ZBED1: variants seen among roughly 807,000 people sequenced by gnomAD.
ZBED1 encodes zinc finger BED-type containing 1.
In ZBED1, 19 loss-of-function variants were observed where a neutral mutation model predicts 49.7. That is an observed-to-expected ratio of 0.38 (90% CI 0.27 to 0.56). ZBED1 has a LOEUF of 0.56. Among genes scored for constraint, ZBED1 ranks in the 20% least tolerant of loss-of-function variants. The pLI is 0.70. For missense variants in ZBED1, 806 were observed against 972.6 expected (o/e 0.83, Z 2.28); for synonymous variants, 439 against 440.3 (o/e 1.00, Z 0.04).
rs2044965842 is a variant in ZBED1 at position 2,487,271 on chromosome X, C to A, written c.*1364G>T. 6.6e-6 allele frequency: 1 copy of A among 152,206 alleles called. No individual in the cohort carries two copies. The highest frequency in any genetic ancestry group is 6.5e-5 in the Admixed American group (1 of 15,280). The allele number at this position is 152,206 out of a possible 1,614,324, so 9.4% of individuals were successfully genotyped here. A position where few individuals can be genotyped will look rare whatever the true frequency, so the allele number is the denominator to read the frequency against. ...CAAGAGTCCTTTCCGGTAATCAAATCAAAAACACCTTATGTGGAAAAGCTG... is the reference window on the plus strand; with the variant it reads ...CAAGAGTCCTTTCCGGTAATCAAATAAAAAACACCTTATGTGGAAAAGCTG... On this transcript the variant is annotated 3_prime_UTR_variant, in exon 2 of 2. Coordinates refer to ENST00000652001, the MANE Select transcript of ZBED1 (RefSeq NM_001171136.2).
intron 1 of ZBED1, among the ~76,000 whole-genome samples, chrX:2,493,814 A>G (rs1327384413): frequency 1.3e-5 from 2 of 152,106 alleles, no homozygotes. Context: ...TACTAAAAAT[A>G]CAAAATTAGC....
chrX:2,492,918 T>C (rs1292688164), intron 1 of ZBED1, among the ~76,000 whole-genome samples: 1 of 152,250 alleles, frequency 6.6e-6, no homozygotes, highest in Non-Finnish European at 1.5e-5. Context: ...CCCGAAATAA[T>C]GAGTGGAGGT....
At chrX:2,497,794 T>C (rs1392221205) in intron 1 of ZBED1, among the ~76,000 whole-genome samples, 1 of 152,230 alleles carries the variant, frequency 6.6e-6, no homozygotes, top group Non-Finnish European at 1.5e-5. Flanking sequence ...GATCACCCTG[T>C]TATTAATACC....
Position 2,488,923 on chromosome X carries a change from G to C in ZBED1, c.1797C>G (p.Pro599=). The change falls in exon 2 of 2, where the codon CCC becomes CCG. Residue 599 remains proline (P), a synonymous_variant. Coordinates refer to ENST00000652001, the MANE Select transcript of ZBED1 (RefSeq NM_001171136.2). The part of the protein sequence containing the change: ...KWWSDRLALF[P]LLPKVLQKYW... ...ACTTCTGCAGCACCTTGGGCAGCAG[G>C]GGGAAGAGGGCCAGGCGGTCTGACC... 1 of 1,602,234 alleles carries C rather than the reference G, an allele frequency of 6.2e-7. No individual in the cohort carries two copies. Among genetic ancestry groups the C allele is most frequent in the Non-Finnish European group, 8.5e-7 (1 of 1,172,888 alleles).
intron 1 of ZBED1, among the ~76,000 whole-genome samples, chrX:2,498,538 G>A (rs1403122756): frequency 3.3e-5 from 5 of 151,624 alleles, no homozygotes; most frequent in East Asian, 3.9e-4. Flanking sequence ...ATACACACCC[G>A]GGTACAGATT....
chrX:2,493,018 C>T lies in ZBED1; in HGVS notation c.-53-2246G>A, dbSNP rs1005680649. Among the ~76,000 whole-genome samples, 5 of 152,210 alleles carry T rather than the reference C, an allele frequency of 3.3e-5. No homozygotes were observed. In the South Asian group the frequency reaches 1.0e-3, roughly 32 times the overall value. ...GCCCGCCCAGTGCTTTTTAGGGAGA[C>T]GCCGCCACGTGCCAGGTGAGCTGGG... is the stretch of plus-strand genomic sequence containing the variant. On this transcript the variant is annotated intron_variant, in intron 1 of 1. Transcript: ENST00000652001.
In ZBED1 at chrX:2,488,696, A is replaced by C. The variant is rs2045019906; in HGVS notation, c.2024T>G (p.Phe675Cys). 5.0e-6 allele frequency: 8 copies of C among 1,613,686 alleles called. No homozygotes were observed. The highest frequency in any genetic ancestry group is 6.8e-6 in the Non-Finnish European group (8 of 1,179,794). The change falls in exon 2 of 2, where the codon TTC (phenylalanine) becomes TGC (cysteine). Residue 675 changes from phenylalanine (F) to cysteine (C), a missense_variant. By Grantham distance (205) the Phe-to-Cys change is radical. Around this residue, in one of 2 missense-constraint regions of ZBED1, gnomAD observed 749 missense variants for 861.3 expected, o/e 0.87. Coordinates refer to ENST00000652001, the MANE Select transcript of ZBED1 (RefSeq NM_001171136.2). ...GEWGLDQEQV[F>C]SLGDGVSGGF... is the part of the protein sequence containing the mutation. ...GCCGCTGACGCCATCCCCCAAGGAGAACACCTGCTCCTGGTCCAGGCCCCA... is the reference window on the plus strand; with the variant it reads ...GCCGCTGACGCCATCCCCCAAGGAGCACACCTGCTCCTGGTCCAGGCCCCA...
chrX:2,488,444 C>T lies in ZBED1; in HGVS notation c.*191G>A, dbSNP rs954249429. The T allele has an allele frequency of 2.0e-5, 14 of 704,958 alleles. No homozygotes were observed. The highest frequency in any genetic ancestry group is 2.6e-5 in the Non-Finnish European group (12 of 455,372). The allele number at this position is 704,958 out of a possible 1,614,324, so 43.7% of individuals were successfully genotyped here. A position where few individuals can be genotyped will look rare whatever the true frequency, so the allele number is the denominator to read the frequency against. ...CCCACCTCGGCCTCCCAAAGTGCTG[C>T]GATTATAGACAGGAGCCACCGCCCC... On this transcript the variant is annotated 3_prime_UTR_variant, in exon 2 of 2. Coordinates refer to ENST00000652001, the MANE Select transcript of ZBED1 (RefSeq NM_001171136.2).
intron 1 of ZBED1, among the ~76,000 whole-genome samples, chrX:2,494,376 A>G (rs1186240966): frequency 6.6e-6 from 1 of 151,972 alleles, no homozygotes; most frequent in Non-Finnish European, 1.5e-5. Context: ...AACCTGGAGC[A>G]AAGGTTTTTA....
chrX:2,488,827 G>A lies in ZBED1; in HGVS notation c.1893C>T (p.Ala631=). The part of the protein sequence containing the change: ...LFGSAANVVS[A]KRNRLAPAHV... ...GCGCGGGAGCCAGCCGGTTCCTCTTGGCGCTGACCACGTTGGCGGCGGATC... is the reference window on the plus strand; with the variant it reads ...GCGCGGGAGCCAGCCGGTTCCTCTTAGCGCTGACCACGTTGGCGGCGGATC... Residue 631 remains alanine, a synonymous_variant, in exon 2 of 2, where the codon GCC becomes GCT. Transcript: ENST00000652001. The A allele has an allele frequency of 6.2e-7, 1 of 1,613,874 alleles. No individual in the cohort carries two copies. Among genetic ancestry groups the A allele is most frequent in the Non-Finnish European group, 8.5e-7 (1 of 1,179,852 alleles).
At chrX:2,496,222 G>T (rs762214281) in intron 1 of ZBED1, among the ~76,000 whole-genome samples, 1 of 151,794 alleles carries the variant, frequency 6.6e-6, no homozygotes, top group African/African-American at 2.4e-5. Context: ...TTTTTGAGAC[G>T]GAGTCTCGCC....
rs1386844707 is a variant in ZBED1, at chrX:2,487,887, C to G, written c.*748G>C. 8 of 151,912 alleles carry G rather than the reference C, an allele frequency of 5.3e-5. No homozygotes were observed. Among genetic ancestry groups the G allele is most frequent in the Non-Finnish European group, 8.8e-5 (6 of 68,006 alleles). 9.4% of individuals were successfully genotyped at this position (151,912 alleles called of 1,614,324 possible). The stretch of plus-strand genomic sequence containing the variant: ...CTCAGAAGCAAGAGGTCCCTGCTTG[C>G]ACGAGAATGTAAACATGAATTCAGT... On this transcript the variant is annotated 3_prime_UTR_variant, in exon 2 of 2. Transcript: ENST00000652001.
At chrX:2,500,453 TC>T (rs1337739170) in intron 1 of ZBED1, 1 of 161,510 alleles carries the variant, frequency 6.2e-6, no homozygotes, top group Non-Finnish European at 1.4e-5. Flanking sequence ...AGCCCCCGGG[TC>T]CCCGGCCATG....
intron 1 of ZBED1, among the ~76,000 whole-genome samples, chrX:2,498,401 A>C (rs892590759): frequency 5.3e-5 from 8 of 152,332 alleles, no homozygotes; most frequent in African/African-American, 1.9e-4. Context: ...GAAGCTGGCC[A>C]CCAGCAGACC....
In ZBED1 at chrX:2,490,139, C is replaced by T. The variant is rs762781696; in HGVS notation, c.581G>A (p.Cys194Tyr). 1.2e-6 allele frequency: 2 copies of T among 1,613,960 alleles called. No homozygotes were observed. The highest frequency in any genetic ancestry group is 1.7e-6 in the Non-Finnish European group (2 of 1,179,874). Residue 194 changes from cysteine (C) to tyrosine (Y), a missense_variant, in exon 2 of 2, where the codon TGT (cysteine) becomes TAT (tyrosine). Around this residue, in one of 2 missense-constraint regions of ZBED1, gnomAD observed 749 missense variants for 861.3 expected, o/e 0.87. Coordinates refer to ENST00000652001, the MANE Select transcript of ZBED1 (RefSeq NM_001171136.2). ...ILKELAEATW[C>Y]GISTDMWRSE... is the part of the protein sequence containing the mutation. ...CCTCCACATGTCGGTGGAGATGCCA[C>T]ACCAGGTGGCCTCGGCCAGCTCCTT...
chrX:2,490,181 A>G lies in ZBED1; in HGVS notation c.539T>C (p.Val180Ala). The change falls in exon 2 of 2, where the codon GTC becomes GCC. Residue 180 changes from valine to alanine, a missense_variant. This residue lies in a region of ZBED1 where 749 missense variants were observed against 861.3 expected (regional missense o/e 0.87). Coordinates refer to ENST00000652001, the MANE Select transcript of ZBED1 (RefSeq NM_001171136.2). ...TKAIPEKYGA[V>A]REVILKELAE... ...CAGCTCCTTCAGGATCACCTCCCGG[A>G]CGGCCCCGTACTTCTCAGGGATGGC... The G allele has an allele frequency of 6.2e-7, 1 of 1,613,908 alleles. No individual in the cohort carries two copies. The highest frequency in any genetic ancestry group is 8.5e-7 in the Non-Finnish European group (1 of 1,179,860).
rs1335636993 is a variant in ZBED1 at position 2,488,360 on chromosome X, A to G, written c.*275T>C. Reference sequence around the variant, plus strand: ...TGGCTAATTTTTGTATTTTTAGTAGAGACGGGGTTTCGCCATGTTGGCCAG... The same window carrying G: ...TGGCTAATTTTTGTATTTTTAGTAGGGACGGGGTTTCGCCATGTTGGCCAG... On this transcript the variant is annotated 3_prime_UTR_variant, in exon 2 of 2. Coordinates refer to ENST00000652001, the MANE Select transcript of ZBED1 (RefSeq NM_001171136.2). 2.4e-6 allele frequency: 1 copy of G among 422,078 alleles called. No individual in the cohort carries two copies. Among genetic ancestry groups the G allele is most frequent in the Non-Finnish European group, 4.1e-6 (1 of 242,170 alleles). The allele number at this position is 422,078 out of a possible 1,614,324, so 26.1% of individuals were successfully genotyped here. A position where few individuals can be genotyped will look rare whatever the true frequency, so the allele number is the denominator to read the frequency against.
rs1187748438 is a variant in ZBED1 at position 2,486,896 on chromosome X, G to T, written c.*1739C>A. The T allele has an allele frequency of 6.6e-6, 1 of 152,282 alleles. No individual in the cohort carries two copies. Among genetic ancestry groups the T allele is most frequent in the African/African-American group, 2.4e-5 (1 of 41,464 alleles). The allele number at this position is 152,282 out of a possible 1,614,324, so 9.4% of individuals were successfully genotyped here. ...TGCTTGCAGCCCTGAGAAGTCAGCA[G>T]CCGTGAAAGGCAGGTAGTTCCTTTG... On this transcript the variant is annotated 3_prime_UTR_variant, in exon 2 of 2. Coordinates refer to ENST00000652001, the MANE Select transcript of ZBED1 (RefSeq NM_001171136.2).
intron 1 of ZBED1, 39 bp downstream of exon 1, chrX:2,500,778 G>C (rs2045407958): frequency 1.3e-4 from 59 of 450,742 alleles, no homozygotes; most frequent in Middle Eastern, 2.2e-3. Context: ...GCGCCCACCC[G>C]GGTCCCCGGA....
Sources: gnomAD v4.1 joint callset for allele counts (sites outside exome capture counted in the v4.1 genomes callset) on GRCh38, gnomAD v4.1.1 for gene constraint, gnomAD v4.1.1 regional missense constraint, MANE v1.5 for transcripts, NCBI Gene and HGNC (gene_info 2026-07-23, HGNC 2026-07-21) for gene names.